The following CPA4 variants were observed in gnomAD, a reference collection of about 807,000 sequenced individuals.
The protein encoded by CPA4 is carboxypeptidase A4, also known as carboxypeptidase A3.
In CPA4, 49 loss-of-function variants were observed where a neutral mutation model predicts 54.7. That is an observed-to-expected ratio of 0.90 (90% CI 0.71 to 1.14). The LOEUF is 1.14. Ranked by LOEUF, CPA4 falls within the 50% of genes most tolerant of loss-of-function variation. The probability of loss-of-function intolerance (pLI) is 0.00; values close to 1 mark genes in which losing one functional copy is unlikely to be tolerated. For synonymous variants in CPA4, 215 were observed against 206.8 expected (o/e 1.04, Z -0.34); for missense variants, 487 against 525.1 (o/e 0.93, Z 0.71).
intron 4 of CPA4, among the ~76,000 whole-genome samples, chr7:130,301,690 A>G (rs549193659): frequency 1.3e-5 from 2 of 152,332 alleles, no homozygotes; most frequent in South Asian, 4.1e-4. Flanking sequence ...CACAAGGCGT[A>G]TACTTTGAGT....
chr7:130,295,640 G>T (rs1017046861), intron 1 of CPA4, among the ~76,000 whole-genome samples: 2 of 152,164 alleles, frequency 1.3e-5, no homozygotes, highest in Admixed American at 1.3e-4. Context: ...ATTGCACCCC[G>T]CAATGTCCTC....
intron 10 of CPA4, among the ~76,000 whole-genome samples, chr7:130,320,005 C>T (rs964432660): frequency 3.9e-5 from 6 of 152,030 alleles, no homozygotes; most frequent in Non-Finnish European, 5.9e-5. Flanking sequence ...GGTTCGGGGG[C>T]GGCTTCTGAG....
chr7:130,306,163 G>C (rs897590585), intron 6 of CPA4: 2 of 551,818 alleles, frequency 3.6e-6, no homozygotes, highest in Non-Finnish European at 6.5e-6. Context: ...CTGAGCCTCT[G>C]AGAGCAGTCC....
At chr7:130,305,664 G>T (rs191779253) in intron 5 of CPA4, 152 bp from the exon 6 acceptor site, 5 of 684,330 alleles carry the variant, frequency 7.3e-6, no homozygotes, top group Admixed American at 2.3e-5. Flanking sequence ...TCCAAGTCAC[G>T]GATAAGCTCG....
At chr7:130,308,537 T>C in intron 8 of CPA4, 140 bp downstream of exon 8, 1 of 681,720 alleles carries the variant, frequency 1.5e-6, no homozygotes, top group Non-Finnish European at 2.7e-6. Context: ...GAGCACTCCT[T>C]AGGCTCTGAC....
chr7:130,309,847 C>A (rs972682538), intron 8 of CPA4, among the ~76,000 whole-genome samples: 1 of 152,156 alleles, frequency 6.6e-6, no homozygotes, highest in Non-Finnish European at 1.5e-5. Context: ...CTCACTGCAG[C>A]CTCGACATCC....
chr7:130,301,908 A>G (rs1336068883), intron 4 of CPA4, among the ~76,000 whole-genome samples: 1 of 152,230 alleles, frequency 6.6e-6, no homozygotes, highest in Admixed American at 6.5e-5. Context: ...GAGCCCACAC[A>G]GGGATCAAGC....
chr7:130,300,778 G>A (rs369604514), intron 3 of CPA4, 38 bp from the exon 4 acceptor site: 211 of 1,426,596 alleles, frequency 1.5e-4, no homozygotes, highest in Middle Eastern at 5.2e-4. Flanking sequence ...ACCTGCGTCT[G>A]CAATGGATCA....
chr7:130,295,433 G>A (rs1284045751), intron 1 of CPA4, among the ~76,000 whole-genome samples: 1 of 152,240 alleles, frequency 6.6e-6, no homozygotes, highest in African/African-American at 2.4e-5. Flanking sequence ...AGGAGGGGCA[G>A]ACATGGCCAC....
At chr7:130,302,100 C>T (rs188469434) in intron 4 of CPA4, among the ~76,000 whole-genome samples, 72 of 152,332 alleles carry the variant, frequency 4.7e-4, no homozygotes, top group African/African-American at 1.7e-3. Flanking sequence ...TTACAGCAAT[C>T]TTGTCCTCAC....
intron 3 of CPA4, chr7:130,299,659 T>C (rs1793708917): frequency 2.3e-6 from 1 of 438,110 alleles, no homozygotes; most frequent in Non-Finnish European, 4.2e-6. Context: ...TGCTATGTGC[T>C]GTGTCTTTGG....
intron 3 of CPA4, chr7:130,299,648 G>C: frequency 2.1e-6 from 1 of 472,910 alleles, no homozygotes; most frequent in Non-Finnish European, 3.9e-6. Context: ...CTAACTACTA[G>C]TGCTATGTGC....
intron 10 of CPA4, among the ~76,000 whole-genome samples, chr7:130,322,078 T>C (rs1003851724): frequency 1.3e-5 from 2 of 152,228 alleles, no homozygotes; most frequent in Non-Finnish European, 2.9e-5. Context: ...GCTTCATTTC[T>C]GCAGCATCCT....
chr7:130,304,432 A>T lies in CPA4; in HGVS notation c.385-46A>T, dbSNP rs113550609. On this transcript the variant is annotated intron_variant, in intron 4 of 10. Transcript: ENST00000222482. ...AAATCACAGATATCCAGCCATAGAT[A>T]AGCAGATTTTTAAAATGTCCCTGGA... 3.7e-6 allele frequency: 4 copies of T among 1,068,134 alleles called. No homozygotes were observed. The Admixed American group carries it at 5.1e-5, about 14-fold the overall frequency. 66.2% of individuals were successfully genotyped at this position (1,068,134 alleles called of 1,614,324 possible). A position where few individuals can be genotyped will look rare whatever the true frequency, so the allele number is the denominator to read the frequency against.
chr7:130,318,364 G>A (rs1387402195), intron 10 of CPA4, among the ~76,000 whole-genome samples: 2 of 152,176 alleles, frequency 1.3e-5, no homozygotes, highest in African/African-American at 2.4e-5. Context: ...CAGAAGAGGA[G>A]GAAGGCTCTC....
intron 10 of CPA4, among the ~76,000 whole-genome samples, chr7:130,317,247 C>G (rs1562933026): frequency 6.6e-6 from 1 of 152,240 alleles, no homozygotes; most frequent in East Asian, 1.9e-4. Flanking sequence ...TGCGTTACAA[C>G]TTTCAAGTGT....
intron 2 of CPA4, among the ~76,000 whole-genome samples, 165 bp downstream of exon 2, chr7:130,298,992 G>A (rs1793697398): frequency 6.6e-6 from 1 of 152,234 alleles, no homozygotes; most frequent in African/African-American, 2.4e-5. Context: ...GAGAGAGGGA[G>A]CACATCACAG....
At chr7:130,315,557 G>A (rs1003594180) in intron 10 of CPA4, among the ~76,000 whole-genome samples, 8 of 152,050 alleles carry the variant, frequency 5.3e-5, no homozygotes, top group African/African-American at 1.9e-4. Flanking sequence ...TGAATTCAGG[G>A]CCATTATCAG....
chr7:130,306,898 G>A lies in CPA4; in HGVS notation c.702+1G>A, dbSNP rs1350507295. The A allele has an allele frequency of 6.7e-7, 1 of 1,490,182 alleles. No homozygotes were observed. The highest frequency in any genetic ancestry group is 9.4e-7 in the Non-Finnish European group (1 of 1,067,186). 92.3% of individuals were successfully genotyped at this position (1,490,182 alleles called of 1,614,324 possible). A position where few individuals can be genotyped will look rare whatever the true frequency, so the allele number is the denominator to read the frequency against. ...TGGATATGTGTATACTCAAACTCAA[G>A]TGAGTATTCCCAAATGGGCTGGGCT... On this transcript the variant is annotated splice_donor_variant, in intron 7 of 10. Transcript: ENST00000222482. LOFTEE classifies it high-confidence loss of function.
Sources: gnomAD v4.1 joint callset for allele counts (sites outside exome capture counted in the v4.1 genomes callset) on GRCh38, gnomAD v4.1.1 for gene constraint, MANE v1.5 for transcripts, NCBI Gene and HGNC (gene_info 2026-07-23, HGNC 2026-07-21) for gene names.